Variants in ZDHHC7 observed in about 807,000 individuals in gnomAD.
The protein encoded by ZDHHC7 is palmitoyltransferase ZDHHC7.
A neutral mutation model predicts 34.1 loss-of-function variants in ZDHHC7; 12 were observed. The observed-to-expected ratio is 0.35, with a 90% CI of 0.23 to 0.57. The LOEUF is 0.57. ZDHHC7 is among the 20% of genes least tolerant of loss of function. The probability of loss-of-function intolerance (pLI) is 0.84; values close to 1 mark genes in which losing one functional copy is unlikely to be tolerated. For missense variants in ZDHHC7, 388 were observed against 402.7 expected (o/e 0.96, Z 0.31); for synonymous variants, 185 against 155.4 (o/e 1.19, Z -1.42).
At chr16:84,987,161 G>T (rs1017054667) in intron 3 of ZDHHC7, among the ~76,000 whole-genome samples, 1 of 152,188 alleles carries the variant, frequency 6.6e-6, no homozygotes, top group Non-Finnish European at 1.5e-5. Flanking sequence ...AAGCATCCTT[G>T]CCCTGGGGCT....
At chr16:84,981,762 T>C (rs1863096574) in intron 4 of ZDHHC7, 108 bp downstream of exon 4, 14 of 1,582,906 alleles carry the variant, frequency 8.8e-6, no homozygotes, top group African/African-American at 1.3e-5. Flanking sequence ...GTTGCCCAGA[T>C]GCTCGGGGGC....
intron 1 of ZDHHC7, among the ~76,000 whole-genome samples, chr16:85,000,230 G>A (rs1000662508): frequency 6.6e-6 from 1 of 152,140 alleles, no homozygotes; most frequent in African/African-American, 2.4e-5. Context: ...CCCAGCACAG[G>A]TATGTACGGC....
intron 1 of ZDHHC7, among the ~76,000 whole-genome samples, chr16:84,998,209 A>C (rs2072607960): frequency 6.7e-6 from 1 of 149,564 alleles, no homozygotes; most frequent in African/African-American, 2.5e-5. Context: ...GTTTGCAGTG[A>C]GCCGAGATCG....
intron 1 of ZDHHC7, among the ~76,000 whole-genome samples, chr16:85,007,783 C>A (rs1158188559): frequency 6.6e-6 from 1 of 152,008 alleles, no homozygotes; most frequent in Non-Finnish European, 1.5e-5. Context: ...TGGCAAAGCA[C>A]AGTAGTATAC....
At chr16:85,015,911 TA>T (rs2072832178), upstream of ZDHHC7, among the ~76,000 whole-genome samples, 1 of 152,106 alleles carries the variant, frequency 6.6e-6, no homozygotes, top group South Asian at 2.1e-4. Flanking sequence ...TGTGATGCTA[TA>T]ATAGAGTCAG....
chr16:84,982,301 C>T (rs1024070069), intron 3 of ZDHHC7, among the ~76,000 whole-genome samples: 18 of 150,838 alleles, frequency 1.2e-4, no homozygotes, highest in Non-Finnish European at 2.4e-4. Flanking sequence ...GCCAAGATCG[C>T]GCCGTTGCAC....
At chr16:84,993,272 G>A (rs1055415495) in intron 2 of ZDHHC7, among the ~76,000 whole-genome samples, 1 of 152,096 alleles carries the variant, frequency 6.6e-6, no homozygotes, top group African/African-American at 2.4e-5. Flanking sequence ...AGTGAGCCAT[G>A]ATCATGCCAC....
At chr16:85,016,399 G>C (rs376064999), upstream of ZDHHC7, among the ~76,000 whole-genome samples, 2 of 151,946 alleles carry the variant, frequency 1.3e-5, no homozygotes, top group Non-Finnish European at 2.9e-5. Flanking sequence ...TACTGGTATA[G>C]CTTGCGTAAA....
chr16:84,989,518 A>T (rs2072480074), intron 3 of ZDHHC7, among the ~76,000 whole-genome samples: 1 of 152,064 alleles, frequency 6.6e-6, no homozygotes, highest in Non-Finnish European at 1.5e-5. Context: ...CAACATGGTG[A>T]AACCCTGTCT....
intron 3 of ZDHHC7, 125 bp from the exon 4 acceptor site, chr16:84,982,119 C>T: frequency 7.6e-7 from 1 of 1,307,364 alleles, no homozygotes; most frequent in Non-Finnish European, 1.1e-6. Context: ...ATCACGGGGT[C>T]AGGAGTTCAA....
At chr16:84,992,329 C>T (rs1205435725) in intron 2 of ZDHHC7, among the ~76,000 whole-genome samples, 2 of 91,406 alleles carry the variant, frequency 2.2e-5, no homozygotes, top group African/African-American at 8.6e-5. Flanking sequence ...TAGTCGGGCA[C>T]AGTGGCAGGC....
At chr16:84,989,694 C>CA (rs35823318) in intron 3 of ZDHHC7, among the ~76,000 whole-genome samples, 12,052 of 96,190 alleles carry the variant, frequency 0.13, 1,023 homozygotes, top group Admixed American at 0.22. Context: ...AACTCCGTCT[C>CA]AAAAAAAAAA....
chr16:84,977,401 C>T (rs1374877384), intron 6 of ZDHHC7, 176 bp from the exon 7 acceptor site: 2 of 732,860 alleles, frequency 2.7e-6, no homozygotes, highest in African/African-American at 3.5e-5. Context: ...GCCACCCTTC[C>T]AAGCAAAAAT....
chr16:85,010,045 C>CTTTTTT (rs10630948), intron 1 of ZDHHC7, among the ~76,000 whole-genome samples: 1 of 138,442 alleles, frequency 7.2e-6, no homozygotes. Flanking sequence ...AACAAAGTGA[C>CTTTTTT]TTTTTTTTTT....
At chr16:84,983,226 A>T (rs2143583190) in intron 3 of ZDHHC7, among the ~76,000 whole-genome samples, 1 of 152,270 alleles carries the variant, frequency 6.6e-6, no homozygotes, top group East Asian at 1.9e-4. Context: ...AAGACAGGGG[A>T]TATAGGTGGG....
chr16:84,979,366 A>T, intron 4 of ZDHHC7, 81 bp from the exon 5 acceptor site: 1 of 1,529,446 alleles, frequency 6.5e-7, no homozygotes, highest in Non-Finnish European at 8.8e-7. Context: ...TCAAAGGTGG[A>T]GGAAAATTAG....
intron 3 of ZDHHC7, among the ~76,000 whole-genome samples, chr16:84,985,467 G>A (rs571332811): frequency 5.3e-5 from 8 of 152,342 alleles, no homozygotes; most frequent in Admixed American, 1.3e-4. Flanking sequence ...CTGGGGACGA[G>A]GAGCACAGCA....
intron 3 of ZDHHC7, among the ~76,000 whole-genome samples, chr16:84,985,557 C>T (rs763121075): frequency 5.3e-5 from 8 of 152,174 alleles, no homozygotes; most frequent in Admixed American, 1.3e-4. Flanking sequence ...AAAGACATTG[C>T]AGGGACCAGA....
chr16:85,002,032 G>A (rs1281649973), intron 1 of ZDHHC7, among the ~76,000 whole-genome samples: 2 of 152,010 alleles, frequency 1.3e-5, no homozygotes, highest in Non-Finnish European at 2.9e-5. Context: ...CTCATGAAAG[G>A]GATATAGGAA....
Sources: allele counts gnomAD v4.1 joint callset (sites outside exome capture counted in the v4.1 genomes callset), GRCh38; gene constraint gnomAD v4.1.1; transcripts MANE v1.5; gene names NCBI Gene and HGNC (gene_info 2026-07-23, HGNC 2026-07-21).